LARGE1: variants seen among roughly 807,000 people sequenced by gnomAD.
LARGE1 encodes xylosyl- and glucuronyltransferase LARGE1.
Under a neutral mutation model 87.6 loss-of-function variants are expected in LARGE1, and 43 were observed. The observed-to-expected ratio is 0.49, with a 90% CI of 0.38 to 0.63. The LOEUF is 0.63. Among genes scored for constraint, LARGE1 ranks in the 30% least tolerant of loss-of-function variants. LARGE1 has a pLI of 0.00. For synonymous variants in LARGE1, 434 were observed against 394.6 expected, an observed-to-expected ratio of 1.10 and a Z score of -1.18; for missense variants, 802 against 1,000.2, an observed-to-expected ratio of 0.80 and a Z score of 2.67.
intron 1 of LARGE1, among the ~76,000 whole-genome samples, chr22:33,778,677 G>A (rs1275406851): frequency 6.6e-6 from 1 of 151,960 alleles, no homozygotes; most frequent in Non-Finnish European, 1.5e-5. Flanking sequence ...TGGAGAAAGA[G>A]TCTCGCTCTG....
the LARGE1 span, among the ~76,000 whole-genome samples, chr22:33,083,507 T>G: frequency 6.6e-6 from 1 of 152,240 alleles, no homozygotes; most frequent in Admixed American, 6.5e-5. Context: ...GAGCACTTGC[T>G]ATATGAAAGT....
intron 1 of LARGE1, among the ~76,000 whole-genome samples, chr22:33,849,197 G>A (rs1032212906): frequency 1.3e-5 from 2 of 152,152 alleles, no homozygotes; most frequent in African/African-American, 2.4e-5. Flanking sequence ...AGTCACCCCA[G>A]GATAAGACGC....
Position 33,596,801 on chromosome 22 carries a change from T to G in LARGE1, c.615+7634A>C, listed in dbSNP as rs1327946936. Among the ~76,000 whole-genome samples, 5 of 152,228 alleles carry G rather than the reference T, an allele frequency of 3.3e-5. No homozygotes were observed. The East Asian group carries it at 9.6e-4, about 29-fold the overall frequency. ...AAAGCAAGATTTGTTGAGTGCCTAT[T>G]ATGTGCCAAGCATTGCTTTCCATTA... On this transcript the variant is annotated intron_variant, in intron 5 of 14. Transcript: ENST00000397394.
At chr22:33,529,022 C>T (rs1012291029) in intron 6 of LARGE1, among the ~76,000 whole-genome samples, 4 of 152,002 alleles carry the variant, frequency 2.6e-5, no homozygotes, top group Non-Finnish European at 5.9e-5. Flanking sequence ...CATCAACTCA[C>T]CACTTCCCTT....
At chr22:33,146,994 A>T in the LARGE1 span, among the ~76,000 whole-genome samples, 2 of 152,184 alleles carry the variant, frequency 1.3e-5, no homozygotes, top group African/African-American at 4.8e-5. Flanking sequence ...ATATCATGAA[A>T]TATAAAATCT....
intron 1 of LARGE1, among the ~76,000 whole-genome samples, chr22:33,784,956 C>T (rs1045909991): frequency 6.7e-6 from 1 of 150,188 alleles, no homozygotes; most frequent in African/African-American, 2.5e-5. Flanking sequence ...TACATGTGTA[C>T]ATGGGTATAT....
At position 33,229,046 on chromosome 22, in the gene LARGE1, G is replaced by A. The variant is rs566996121; in HGVS notation, c.1731-62214C>T. ...AGAAAATAAAGTTACCATAAGAAAT[G>A]GAAATGCCAAGCCTGAAGCATGTGT... On this transcript the variant is annotated intron_variant, in intron 11 of 11. Transcript: ENST00000608642. Among the ~76,000 whole-genome samples, 11 of 152,238 alleles carry A rather than the reference G, an allele frequency of 7.2e-5. 1 individual carries two copies. In the South Asian group the frequency reaches 2.1e-3, roughly 29 times the overall value.
chr22:33,233,404 G>A (rs901578445), intron 11 of LARGE1, among the ~76,000 whole-genome samples: 9 of 152,084 alleles, frequency 5.9e-5, no homozygotes, highest in Non-Finnish European at 1.3e-4. Context: ...TGTGACATGT[G>A]TCCTATGTCT....
chr22:33,798,337 A>G (rs2086053183), intron 1 of LARGE1, among the ~76,000 whole-genome samples: 1 of 152,182 alleles, frequency 6.6e-6, no homozygotes, highest in African/African-American at 2.4e-5. Flanking sequence ...CCTAGATATT[A>G]AAGTACCTAG....
chr22:33,885,114 C>T (rs2064807768), intron 1 of LARGE1, among the ~76,000 whole-genome samples: 1 of 152,256 alleles, frequency 6.6e-6, no homozygotes, highest in Middle Eastern at 3.2e-3. Context: ...AACTAAGGCT[C>T]ATCGGCTAAA....
intron 1 of LARGE1, among the ~76,000 whole-genome samples, chr22:33,774,450 G>A (rs886472772): frequency 7.2e-5 from 11 of 151,944 alleles, no homozygotes; most frequent in African/African-American, 1.7e-4. Context: ...CCCACCTCCC[G>A]GGTTGAAGCA....
chr22:33,515,453 G>A (rs2071260393), intron 6 of LARGE1, among the ~76,000 whole-genome samples: 1 of 152,140 alleles, frequency 6.6e-6, no homozygotes, highest in South Asian at 2.1e-4. Context: ...TATTCTGAGG[G>A]CCTGTTAGCG....
intron 10 of LARGE1, among the ~76,000 whole-genome samples, chr22:33,319,585 A>G (rs1020911284): frequency 1.2e-4 from 18 of 152,096 alleles, no homozygotes; most frequent in African/African-American, 4.3e-4. Context: ...TAATAGAGAC[A>G]GGGTTTCACT....
intron 1 of LARGE1, among the ~76,000 whole-genome samples, chr22:33,762,049 G>A (rs1453291710): frequency 6.6e-6 from 1 of 151,686 alleles, no homozygotes; most frequent in South Asian, 2.1e-4. Context: ...AACCCCGTCT[G>A]TACTAAAAGC....
chr22:33,290,062 G>C (rs1932254037), intron 12 of LARGE1, among the ~76,000 whole-genome samples: 1 of 152,174 alleles, frequency 6.6e-6, no homozygotes, highest in Non-Finnish European at 1.5e-5. Context: ...TGGAAGGGCA[G>C]AGTATTAGCT....
chr22:33,754,043 T>G (rs965791055), intron 2 of LARGE1, among the ~76,000 whole-genome samples: 1 of 151,844 alleles, frequency 6.6e-6, no homozygotes, highest in African/African-American at 2.4e-5. Context: ...TCCTGGGCAA[T>G]AGAGCAAGAC....
At chr22:33,134,813 G>A in the LARGE1 span, among the ~76,000 whole-genome samples, 1 of 152,176 alleles carries the variant, frequency 6.6e-6, no homozygotes, top group Non-Finnish European at 1.5e-5. Flanking sequence ...TCATTGTAGA[G>A]TGATCATCAG....
At position 33,332,240 on chromosome 22, in the gene LARGE1, C is replaced by T. The variant is rs181779723; in HGVS notation, c.1287+5406G>A. Among the ~76,000 whole-genome samples, 1,088 of 152,216 alleles carry T rather than the reference C, an allele frequency of 7.1e-3. 14 individuals carry two copies. Among genetic ancestry groups the T allele is most frequent in the African/African-American group, 0.025 (1,026 of 41,528 alleles). On this transcript the variant is annotated intron_variant, in intron 10 of 14. Transcript: ENST00000397394. ...TAACTGAATCATGGGGGCAGGTTCC[C>T]CCTATACTGGTCTCATGATAGTGAA...
chr22:33,704,420 C>T (rs186079435), intron 2 of LARGE1, among the ~76,000 whole-genome samples: 2 of 152,302 alleles, frequency 1.3e-5, no homozygotes, highest in East Asian at 3.9e-4. Context: ...ACTCCAGGAA[C>T]GGGACAGGCA....
Sources: gnomAD v4.1 joint callset for allele counts (sites outside exome capture counted in the v4.1 genomes callset) on GRCh38, gnomAD v4.1.1 for gene constraint, MANE v1.5 for transcripts, NCBI Gene and HGNC (gene_info 2026-07-23, HGNC 2026-07-21) for gene names.